TUBA8: variants seen among roughly 807,000 people sequenced by gnomAD.
TUBA8 encodes the protein tubulin alpha-8 chain.
In TUBA8, 29 loss-of-function variants were observed where a neutral mutation model predicts 34.7. The ratio of observed to expected loss-of-function variants is 0.84; its 90% CI spans 0.62 to 1.14. The LOEUF (loss-of-function observed/expected upper bound fraction) is 1.14. Among genes scored for constraint, TUBA8 ranks in the 50% most tolerant of loss-of-function variants. The pLI is 0.00. For synonymous variants in TUBA8, 226 were observed against 231.2 expected (o/e 0.98, Z 0.21); for missense variants, 541 against 599.2 (o/e 0.90, Z 1.01).
rs554799864 is a variant in TUBA8, at chr22:18,111,135, C to A, written c.3+267C>A. The A allele has an allele frequency of 8.4e-4, 486 of 576,998 alleles. 4 individuals are homozygous for A. The highest frequency in any genetic ancestry group is 5.6e-3 in the South Asian group (257 of 45,494). The allele number at this position is 576,998 out of a possible 1,614,324, so 35.7% of individuals were successfully genotyped here. A position where few individuals can be genotyped will look rare whatever the true frequency, so the allele number is the denominator to read the frequency against. Reference sequence around the variant, plus strand: ...GCGTGCAGACGAGGGGGAGGGAGGCCCTGGGGAGCCCGACGGAGAAGGGGG... The same window carrying A: ...GCGTGCAGACGAGGGGGAGGGAGGCACTGGGGAGCCCGACGGAGAAGGGGG... On this transcript the variant is annotated intron_variant, in intron 1 of 4. Coordinates refer to ENST00000330423, the MANE Select transcript of TUBA8 (RefSeq NM_018943.3). This position sits in a 1 kb window ranked among gnomAD's most constrained non-coding sequence, Gnocchi z 5.1.
At chr22:18,127,226 C>A in intron 4 of TUBA8, 192 bp downstream of exon 4, 1 of 609,920 alleles carries the variant, frequency 1.6e-6, no homozygotes, top group Non-Finnish European at 2.8e-6. Context: ...TCTGTTTAGG[C>A]CATTTTAGAA....
rs769355954 is a variant in TUBA8 at position 18,121,372 on chromosome 22, G to A, written c.4-107G>A. 6 of 991,208 alleles carry A rather than the reference G, an allele frequency of 6.1e-6. No homozygotes were observed. Among genetic ancestry groups the A allele is most frequent in the African/African-American group, 4.8e-5 (3 of 63,022 alleles). The allele number at this position is 991,208 out of a possible 1,614,324, so 61.4% of individuals were successfully genotyped here. A position where few individuals can be genotyped will look rare whatever the true frequency, so the allele number is the denominator to read the frequency against. ...GCAGCCTCAACGCCAACTGGCAATG[G>A]GGGGCTGGGGCCTGGCTGGCCTGCA... On this transcript the variant is annotated intron_variant, in intron 1 of 4. Coordinates refer to ENST00000330423, the MANE Select transcript of TUBA8 (RefSeq NM_018943.3). The surrounding 1 kb of genome is among the most constrained non-coding windows in gnomAD (Gnocchi z 4.8).
chr22:18,121,398 A>G lies in TUBA8; in HGVS notation c.4-81A>G. Reference sequence around the variant, plus strand: ...GGGGCTGGGGCCTGGCTGGCCTGCAAGGTGAATGTTATGGGGATGTAGGGC... The same window carrying G: ...GGGGCTGGGGCCTGGCTGGCCTGCAGGGTGAATGTTATGGGGATGTAGGGC... On this transcript the variant is annotated intron_variant, in intron 1 of 4. Coordinates refer to ENST00000330423, the MANE Select transcript of TUBA8 (RefSeq NM_018943.3). This position sits in a 1 kb window ranked among gnomAD's most constrained non-coding sequence, Gnocchi z 4.8. 7.7e-7 allele frequency: 1 copy of G among 1,297,674 alleles called. No homozygotes were observed. The highest frequency in any genetic ancestry group is 1.1e-6 in the Non-Finnish European group (1 of 892,978). The allele number at this position is 1,297,674 out of a possible 1,614,324, so 80.4% of individuals were successfully genotyped here.
rs1408864208 is a variant in TUBA8, at chr22:18,119,337, C to G, written c.4-2142C>G. On this transcript the variant is annotated intron_variant, in intron 1 of 4. Transcript: ENST00000330423. This position sits in a 1 kb window ranked among gnomAD's most constrained non-coding sequence, Gnocchi z 5.9. ...ACAATAAAGGAGAGAGGAGCAGGGA[C>G]CTGAGAGCTCCCTCTACGTGTGCTA... 1 of 152,204 alleles carries G rather than the reference C, an allele frequency of 6.6e-6. No homozygotes were observed. Among genetic ancestry groups the G allele is most frequent in the Non-Finnish European group, 1.5e-5 (1 of 68,044 alleles). 9.4% of individuals were successfully genotyped at this position (152,204 alleles called of 1,614,324 possible). A position where few individuals can be genotyped will look rare whatever the true frequency, so the allele number is the denominator to read the frequency against.
rs1454023163 is a variant in TUBA8 at position 18,121,120 on chromosome 22, G to A, written c.4-359G>A. On this transcript the variant is annotated intron_variant, in intron 1 of 4. Transcript: ENST00000330423. The surrounding 1 kb of genome is among the most constrained non-coding windows in gnomAD (Gnocchi z 4.8). The stretch of plus-strand genomic sequence containing the variant: ...CTGCCTTGTGTGGGCGTAGGCTGAA[G>A]GAGAGTTTCTGCCATGATCGCCAGT... 2.8e-5 allele frequency: 9 copies of A among 317,168 alleles called. No homozygotes were observed. Among genetic ancestry groups the A allele is most frequent in the Non-Finnish European group, 4.9e-5 (8 of 163,692 alleles). 19.6% of individuals were successfully genotyped at this position (317,168 alleles called of 1,614,324 possible). A position where few individuals can be genotyped will look rare whatever the true frequency, so the allele number is the denominator to read the frequency against.
At chr22:18,129,052 G>A (rs1003688246) in intron 4 of TUBA8, 4 of 152,236 alleles carry the variant, frequency 2.6e-5, no homozygotes, top group African/African-American at 9.7e-5. Flanking sequence ...AGTGAGGAGT[G>A]TAGCATTCCT....
chr22:18,131,202 A>G lies in TUBA8; in HGVS notation c.*66A>G. The G allele has an allele frequency of 1.3e-6, 2 of 1,537,480 alleles. No homozygotes were observed. Among genetic ancestry groups the G allele is most frequent in the Non-Finnish European group, 1.8e-6 (2 of 1,114,644 alleles). ...GTGCCATTCAAAGCACATGTTCAAG[A>G]GAACAGAACACTCTCCCCGCCCCAG... On this transcript the variant is annotated 3_prime_UTR_variant, in exon 5 of 5. Coordinates refer to ENST00000330423, the MANE Select transcript of TUBA8 (RefSeq NM_018943.3). This position sits in a 1 kb window ranked among gnomAD's most constrained non-coding sequence, Gnocchi z 5.3.
chr22:18,126,618 C>G lies in TUBA8; in HGVS notation c.640C>G (p.Arg214Gly). Residue 214 changes from arginine (R) to glycine (G), a missense_variant, in exon 4 of 5, where the codon CGC becomes GGC. Physicochemically the swap from Arg to Gly is moderately radical, Grantham distance 125. Transcript: ENST00000330423. The surrounding 1 kb of genome is among the most constrained non-coding windows in gnomAD (Gnocchi z 4.0). The part of the protein sequence containing the change: ...VDNEAIYDIC[R>G]RNLDIERPTY... The stretch of plus-strand genomic sequence containing the variant: ...CAACGAAGCCATCTATGACATCTGC[C>G]GCAGGAACCTTGACATTGAGCGCCC... 1 of 1,614,128 alleles carries G rather than the reference C, an allele frequency of 6.2e-7. No homozygotes were observed.
At chr22:18,113,792 A>G (rs1927884873) in intron 1 of TUBA8, 1 of 152,454 alleles carries the variant, frequency 6.6e-6, no homozygotes, top group South Asian at 2.1e-4. Flanking sequence ...CCCGAGAAGC[A>G]CTGGGCGCAT....
chr22:18,130,883 G>T lies in TUBA8; in HGVS notation c.1097G>T (p.Gly366Val). Reference protein sequence around the residue: ...NYQPPTVVPGGDLAKVQRAVC... With the variant: ...NYQPPTVVPGVDLAKVQRAVC... ...CAGCCCCCGACCGTGGTCCCCGGGG[G>T]AGACCTGGCCAAGGTGCAGCGGGCC... is the stretch of plus-strand genomic sequence containing the variant. The change falls in exon 5 of 5, where the codon GGA (glycine) becomes GTA (valine). Residue 366 changes from glycine to valine, a missense_variant. Transcript: ENST00000330423. 1 of 1,614,092 alleles carries T rather than the reference G, an allele frequency of 6.2e-7. No homozygotes were observed. The highest frequency in any genetic ancestry group is 8.5e-7 in the Non-Finnish European group (1 of 1,180,026).
Position 18,126,506 on chromosome 22 carries a change from G to A in TUBA8, c.528G>A (p.Gln176=), listed in dbSNP as rs371072951. 2.5e-6 allele frequency: 4 copies of A among 1,613,926 alleles called. No homozygotes were observed. The African/African-American group carries it at 4.0e-5, about 16-fold the overall frequency. Residue 176 remains glutamine, a synonymous_variant, in exon 4 of 5, where the codon CAG becomes CAA. Transcript: ENST00000330423. The surrounding 1 kb of genome is among the most constrained non-coding windows in gnomAD (Gnocchi z 4.0). ...KLEFAIYPAP[Q]VSTAVVEPYN... ...AGTTTGCCATCTACCCAGCCCCCCA[G>A]GTCTCTACTGCAGTGGTGGAGCCCT...
rs1182260750 is a variant in TUBA8 at position 18,126,198 on chromosome 22, A to G, written c.376-156A>G. The G allele has an allele frequency of 1.8e-5, 13 of 725,446 alleles. No individual in the cohort carries two copies. The highest frequency in any genetic ancestry group is 2.9e-4 in the Middle Eastern group (1 of 3,484). 44.9% of individuals were successfully genotyped at this position (725,446 alleles called of 1,614,324 possible). Reference sequence around the variant, plus strand: ...ATTTTAGCCACTCCTCCAAAGATCAATACAACTCCTTTTGTTTCCTTACTT... The same window carrying G: ...ATTTTAGCCACTCCTCCAAAGATCAGTACAACTCCTTTTGTTTCCTTACTT... On this transcript the variant is annotated intron_variant, in intron 3 of 4. Transcript: ENST00000330423. This position sits in a 1 kb window ranked among gnomAD's most constrained non-coding sequence, Gnocchi z 4.0.
At chr22:18,120,727 A>G (rs1377513684) in intron 1 of TUBA8, 1 of 152,260 alleles carries the variant, frequency 6.6e-6, no homozygotes, top group African/African-American at 2.4e-5. Context: ...GAACCAATTT[A>G]CATTCCCATC....
chr22:18,127,052 A>C lies in TUBA8; in HGVS notation c.1056+18A>C. The C allele has an allele frequency of 6.2e-7, 1 of 1,613,808 alleles. No homozygotes were observed. Among genetic ancestry groups the C allele is most frequent in the South Asian group, 1.1e-5 (1 of 91,070 alleles). ...GCTTCAAGGTGAGAGCTGATGACTT[A>C]GGAAGGGGAGAGAGGACTAGAGAAG... On this transcript the variant is annotated intron_variant, in intron 4 of 4. Coordinates refer to ENST00000330423, the MANE Select transcript of TUBA8 (RefSeq NM_018943.3).
At chr22:18,125,901 A>ATCCAAGCCAGAGTGCAG (rs1403014439) in intron 3 of TUBA8, 2 of 197,150 alleles carry the variant, frequency 1.0e-5, no homozygotes, top group African/African-American at 2.4e-5. Flanking sequence ...TTGCTCTGTC[A>ATCCAAGCCAGAGTGCAG]TCCAAGCCAG....
Position 18,110,825 on chromosome 22 carries a change from A to G in TUBA8, c.-41A>G, listed in dbSNP as rs1245522973. On this transcript the variant is annotated 5_prime_UTR_variant, in exon 1 of 5. Coordinates refer to ENST00000330423, the MANE Select transcript of TUBA8 (RefSeq NM_018943.3). This position sits in a 1 kb window ranked among gnomAD's most constrained non-coding sequence, Gnocchi z 6.2. ...TGTATCTGGAGCAGTCGGGGCGGGC[A>G]GGCCCAGCTGAGAGGTGCGCGGGCG... 6.5e-7 allele frequency: 1 copy of G among 1,538,306 alleles called. No homozygotes were observed.
chr22:18,126,752 C>T lies in TUBA8; in HGVS notation c.774C>T (p.Asn258=), dbSNP rs1439509610. The change falls in exon 4 of 5, where the codon AAC becomes AAT. Residue 258 remains asparagine (N), a synonymous_variant. Coordinates refer to ENST00000330423, the MANE Select transcript of TUBA8 (RefSeq NM_018943.3). The surrounding 1 kb of genome is among the most constrained non-coding windows in gnomAD (Gnocchi z 4.0). ...TGGACCTCACTGAGTTCCAGACCAA[C>T]CTGGTGCCCTACCCCCGCATCCACT... ...LNVDLTEFQT[N]LVPYPRIHFP... 3 of 1,613,968 alleles carry T rather than the reference C, an allele frequency of 1.9e-6. No individual in the cohort carries two copies. Among genetic ancestry groups the T allele is most frequent in the South Asian group, 1.1e-5 (1 of 91,070 alleles).
rs1569200065 is a variant in TUBA8, at chr22:18,124,124, A to C, written c.227-32A>C. On this transcript the variant is annotated intron_variant, in intron 2 of 4. Transcript: ENST00000330423. This position sits in a 1 kb window ranked among gnomAD's most constrained non-coding sequence, Gnocchi z 4.3. Reference sequence around the variant, plus strand: ...AGGGAGGGAGGCTTCTCCCCTGGGCAGTAGGACCTAATGGTCTTCCTCTCT... The same window carrying C: ...AGGGAGGGAGGCTTCTCCCCTGGGCCGTAGGACCTAATGGTCTTCCTCTCT... The C allele has an allele frequency of 3.7e-6, 6 of 1,613,888 alleles. No individual in the cohort carries two copies.
chr22:18,121,225 C>T lies in TUBA8; in HGVS notation c.4-254C>T, dbSNP rs1602493754. On this transcript the variant is annotated intron_variant, in intron 1 of 4. Transcript: ENST00000330423. This position sits in a 1 kb window ranked among gnomAD's most constrained non-coding sequence, Gnocchi z 4.8. ...CTTGCTTCATCTTTGCAACCACCCTCCTTTTTTCTTTCCTGGTATAAAAGG... is the reference window on the plus strand; with the variant it reads ...CTTGCTTCATCTTTGCAACCACCCTTCTTTTTTCTTTCCTGGTATAAAAGG... 2 of 502,430 alleles carry T rather than the reference C, an allele frequency of 4.0e-6. No homozygotes were observed. The highest frequency in any genetic ancestry group is 7.1e-5 in the East Asian group (2 of 28,062). 31.1% of individuals were successfully genotyped at this position (502,430 alleles called of 1,614,324 possible). A position where few individuals can be genotyped will look rare whatever the true frequency, so the allele number is the denominator to read the frequency against.
Sources: allele counts gnomAD v4.1 joint callset, GRCh38; gene constraint gnomAD v4.1.1; non-coding constraint Gnocchi (gnomAD v3.1); transcripts MANE v1.5; gene names NCBI Gene and HGNC (gene_info 2026-07-23, HGNC 2026-07-21).